The following PRKCA variants were observed in gnomAD, a reference collection of about 807,000 sequenced individuals.
PRKCA encodes protein kinase C alpha type.
In PRKCA, 27 loss-of-function variants were observed where a neutral mutation model predicts 87.0. The ratio of observed to expected loss-of-function variants is 0.31; its 90% CI spans 0.23 to 0.43. The LOEUF is 0.43. PRKCA is among the 20% of genes least tolerant of loss of function. The probability of loss-of-function intolerance (pLI) is 1.00; values close to 1 mark genes in which losing one functional copy is unlikely to be tolerated. For synonymous variants in PRKCA, 329 were observed against 311.1 expected, an observed-to-expected ratio of 1.06 and a Z score of -0.61; for missense variants, 518 against 852.3, an observed-to-expected ratio of 0.61 and a Z score of 4.88.
chr17:66,561,190 G>A (rs949776472), intron 3 of PRKCA, among the ~76,000 whole-genome samples: 1 of 152,212 alleles, frequency 6.6e-6, no homozygotes, highest in Non-Finnish European at 1.5e-5. Flanking sequence ...TAGATGCACC[G>A]AAATGATCGC....
intron 5 of PRKCA, among the ~76,000 whole-genome samples, chr17:66,665,031 T>C (rs1458420143): frequency 6.6e-6 from 1 of 152,136 alleles, no homozygotes; most frequent in Non-Finnish European, 1.5e-5. Context: ...ATGGGTCTTA[T>C]TCATTGCAGA....
chr17:66,646,610 A>G (rs1230046262), intron 5 of PRKCA, among the ~76,000 whole-genome samples: 3 of 152,246 alleles, frequency 2.0e-5, no homozygotes, highest in African/African-American at 7.2e-5. Context: ...TTAGGTTTAG[A>G]TAACAGAAAA....
At chr17:66,409,053 A>AAAAAAG (rs1555599882) in intron 2 of PRKCA, among the ~76,000 whole-genome samples, 6 of 151,100 alleles carry the variant, frequency 4.0e-5, no homozygotes, top group Non-Finnish European at 5.9e-5. Context: ...AAAAAAAAAA[A>AAAAAAG]AAGAAGAAGA....
chr17:66,545,164 C>CA (rs530834796), intron 3 of PRKCA, among the ~76,000 whole-genome samples: 91 of 152,300 alleles, frequency 6.0e-4, no homozygotes, highest in African/African-American at 2.1e-3. Flanking sequence ...CGCAGTGAAT[C>CA]ACGCCTGTAA....
intron 3 of PRKCA, among the ~76,000 whole-genome samples, chr17:66,630,286 G>C (rs1207540173): frequency 2.0e-5 from 3 of 152,204 alleles, no homozygotes; most frequent in African/African-American, 4.8e-5. Flanking sequence ...ATATGTGTAA[G>C]TATGTACTTA....
chr17:66,466,582 G>C (rs976848618), intron 2 of PRKCA, among the ~76,000 whole-genome samples: 2 of 152,100 alleles, frequency 1.3e-5, no homozygotes, highest in African/African-American at 2.4e-5. Context: ...AACATAATTT[G>C]GCCACACTGA....
At chr17:66,463,898 AG>A (rs1567842635) in intron 2 of PRKCA, among the ~76,000 whole-genome samples, 1 of 152,168 alleles carries the variant, frequency 6.6e-6, no homozygotes, top group African/African-American at 2.4e-5. Flanking sequence ...CAAAGTCCAC[AG>A]TTTATGGAAG....
chr17:66,673,771 G>C (rs73997131), intron 5 of PRKCA, among the ~76,000 whole-genome samples: 5,478 of 152,254 alleles, frequency 0.036, 348 homozygotes, highest in African/African-American at 0.12. Flanking sequence ...TTTATTTCCT[G>C]AAATCTAGAG....
In PRKCA at chr17:66,802,016, T is replaced by G. The variant is rs188055959; in HGVS notation, c.1855-1857T>G. On this transcript the variant is annotated intron_variant, in intron 16 of 16. Coordinates refer to ENST00000413366, the MANE Select transcript of PRKCA (RefSeq NM_002737.3). ...CCAGCAGATTGCTTGAGCCCAGGAG[T>G]TCGAGACCAGCCTGAGCAACATGGT... Among the ~76,000 whole-genome samples the G allele has an allele frequency of 3.2e-4, 48 of 152,102 alleles. 1 individual carries two copies. The highest frequency in any genetic ancestry group is 2.1e-3 in the South Asian group (10 of 4,806).
rs374201275 is a variant in PRKCA at position 66,491,288 on chromosome 17, G to A, written c.206-4913G>A. Among the ~76,000 whole-genome samples, 172 of 82,786 alleles carry A rather than the reference G, an allele frequency of 2.1e-3. 4 individuals carry two copies. In the South Asian group the frequency reaches 0.082, roughly 40 times the overall value. 54.3% of individuals were successfully genotyped at this position (82,786 alleles called of 152,430 possible). The stretch of plus-strand genomic sequence containing the variant: ...ATCCTGTTTTAAAACCTCTCATTGG[G>A]TTATATAACCAGAGGTGACCAAAGT... On this transcript the variant is annotated intron_variant, in intron 2 of 16. Coordinates refer to ENST00000413366, the MANE Select transcript of PRKCA (RefSeq NM_002737.3).
chr17:66,587,113 T>C (rs188706109), intron 3 of PRKCA, among the ~76,000 whole-genome samples: 6 of 152,336 alleles, frequency 3.9e-5, no homozygotes, highest in African/African-American at 1.2e-4. Context: ...GGGCCATGGA[T>C]GTTGAACGTG....
chr17:66,581,772 G>A (rs1261121743), intron 3 of PRKCA, among the ~76,000 whole-genome samples: 1 of 152,170 alleles, frequency 6.6e-6, no homozygotes, highest in Non-Finnish European at 1.5e-5. Flanking sequence ...ACCGTGCCCG[G>A]CCATCTTTCT....
At chr17:66,556,195 A>G (rs1448053465) in intron 3 of PRKCA, among the ~76,000 whole-genome samples, 1 of 152,094 alleles carries the variant, frequency 6.6e-6, no homozygotes, top group East Asian at 1.9e-4. Context: ...ACTGAAAGGC[A>G]CTTTAAAAAT....
intron 13 of PRKCA, among the ~76,000 whole-genome samples, chr17:66,744,166 G>A (rs1318145332): frequency 1.3e-5 from 2 of 152,086 alleles, no homozygotes; most frequent in Non-Finnish European, 2.9e-5. Context: ...ATTCTGAATC[G>A]CATGGCCAGA....
intron 5 of PRKCA, among the ~76,000 whole-genome samples, chr17:66,648,081 C>T (rs1414475938): frequency 2.0e-5 from 3 of 152,210 alleles, no homozygotes; most frequent in Non-Finnish European, 4.4e-5. Flanking sequence ...CTGGTGAAGG[C>T]TCCGTCTCTG....
chr17:66,517,201 T>C (rs1966996034), intron 3 of PRKCA, among the ~76,000 whole-genome samples: 1 of 152,100 alleles, frequency 6.6e-6, no homozygotes, highest in South Asian at 2.1e-4. Flanking sequence ...GGAGAATCAC[T>C]TGAACCTGGG....
intron 3 of PRKCA, among the ~76,000 whole-genome samples, chr17:66,596,757 A>G (rs1430553064): frequency 5.1e-5 from 4 of 78,884 alleles, no homozygotes; most frequent in Non-Finnish European, 9.7e-5. Flanking sequence ...CAGTCCCCAG[A>G]GTGTGATATT....
chr17:66,648,743 C>A (rs2143833591), intron 5 of PRKCA, among the ~76,000 whole-genome samples: 1 of 152,230 alleles, frequency 6.6e-6, no homozygotes. Context: ...CTTCACCCAG[C>A]AACCCCCGAT....
At position 66,587,887 on chromosome 17, in the gene PRKCA, GTGTGTGTGTA is replaced by G. The variant is rs1969664294; in HGVS notation, c.289-53466_289-53457del. The stretch of plus-strand genomic sequence containing the variant: ...CATATGTATGTGTGTGTGTGTGTGT[GTGTGTGTGTA>G]TATATATATATATATATATATATAT... On this transcript the variant is annotated intron_variant, in intron 3 of 16. Transcript: ENST00000413366. Among the ~76,000 whole-genome samples, 5 of 99,012 alleles carry G rather than the reference GTGTGTGTGTA, an allele frequency of 5.0e-5. 1 individual carries two copies. The highest frequency in any genetic ancestry group is 7.7e-5 in the Non-Finnish European group (4 of 51,824). The allele number at this position is 99,012 out of a possible 152,430, so 65.0% of individuals were successfully genotyped here. A position where few individuals can be genotyped will look rare whatever the true frequency, so the allele number is the denominator to read the frequency against.
Sources: gnomAD v4.1 joint callset for allele counts (sites outside exome capture counted in the v4.1 genomes callset) on GRCh38, gnomAD v4.1.1 for gene constraint, MANE v1.5 for transcripts, NCBI Gene and HGNC (gene_info 2026-07-23, HGNC 2026-07-21) for gene names.